The following ULK4 variants were observed in gnomAD, a reference collection of about 807,000 sequenced individuals.
The protein encoded by ULK4 is unc-51 like kinase 4.
A neutral mutation model predicts 160.6 loss-of-function variants in ULK4; 133 were observed. That is an observed-to-expected ratio of 0.83 (90% CI 0.72 to 0.96). ULK4 has a LOEUF of 0.96. ULK4 is among the 40% of genes least tolerant of loss of function. The pLI is 0.00. For synonymous variants in ULK4, 534 were observed against 539.8 expected (o/e 0.99, Z 0.15); for missense variants, 1,580 against 1,499.5 (o/e 1.05, Z -0.89).
chr3:41,283,984 A>G (rs1015265368), intron 35 of ULK4, among the ~76,000 whole-genome samples: 5 of 151,768 alleles, frequency 3.3e-5, no homozygotes, highest in Non-Finnish European at 7.4e-5. Context: ...AAATAAATAA[A>G]TAAATAAAAT....
intron 35 of ULK4, among the ~76,000 whole-genome samples, chr3:41,283,341 T>C (rs2079395799): frequency 6.6e-6 from 1 of 152,196 alleles, no homozygotes; most frequent in South Asian, 2.1e-4. Flanking sequence ...TAAAGACACA[T>C]GCACACATAT....
chr3:41,278,561 G>A (rs778383517), intron 35 of ULK4, among the ~76,000 whole-genome samples: 13 of 152,060 alleles, frequency 8.5e-5, no homozygotes, highest in African/African-American at 2.7e-4. Flanking sequence ...CAGATACCTC[G>A]TACAGGCAGG....
At position 41,431,198 on chromosome 3, in the gene ULK4, A is replaced by C. The variant is rs141941315; in HGVS notation, c.3492+24299T>G. Among the ~76,000 whole-genome samples the C allele has an allele frequency of 1.1e-4, 17 of 152,096 alleles. No individual in the cohort carries two copies. The East Asian group carries it at 3.1e-3, about 28-fold the overall frequency. On this transcript the variant is annotated intron_variant, in intron 34 of 36. Transcript: ENST00000301831. ...CTTCGTCTCTACTAAAAATACAAAA[A>C]TTAGCTGGGCGTAGTGAGGCACACC... is the stretch of plus-strand genomic sequence containing the variant.
chr3:41,482,845 G>A (rs770733050), intron 32 of ULK4, among the ~76,000 whole-genome samples: 7 of 152,004 alleles, frequency 4.6e-5, no homozygotes, highest in Admixed American at 2.6e-4. Flanking sequence ...AGTTTATTGT[G>A]TTGTTCAGAT....
chr3:41,283,829 C>T (rs1250616579), intron 35 of ULK4, among the ~76,000 whole-genome samples: 3 of 122,116 alleles, frequency 2.5e-5, no homozygotes, highest in African/African-American at 1.2e-4. Flanking sequence ...CCCCAGAAAG[C>T]TCCTAGAACT....
intron 21 of ULK4, among the ~76,000 whole-genome samples, chr3:41,761,848 G>A (rs1575663368): frequency 6.6e-6 from 1 of 152,110 alleles, no homozygotes; most frequent in Admixed American, 6.5e-5. Flanking sequence ...GACTGAGGCA[G>A]GAGAATTGCT....
At chr3:41,617,318 T>G (rs1276594854) in intron 30 of ULK4, among the ~76,000 whole-genome samples, 1 of 152,222 alleles carries the variant, frequency 6.6e-6, no homozygotes, top group South Asian at 2.1e-4. Context: ...CCAAGCCTCC[T>G]GACTGGGAGA....
chr3:41,698,217 A>G (rs2036562021), intron 27 of ULK4, among the ~76,000 whole-genome samples: 1 of 152,242 alleles, frequency 6.6e-6, no homozygotes, highest in Non-Finnish European at 1.5e-5. Flanking sequence ...TCTTTAAGCA[A>G]GGCATGACTG....
intron 32 of ULK4, among the ~76,000 whole-genome samples, chr3:41,471,944 AAAC>A (rs1257366961): frequency 2.0e-5 from 3 of 151,716 alleles, no homozygotes; most frequent in African/African-American, 7.3e-5. Context: ...CAAAAAAAAA[AAAC>A]AAAATGAAGA....
At chr3:41,859,478 T>C (rs915263298) in intron 17 of ULK4, 1 of 549,504 alleles carries the variant, frequency 1.8e-6, no homozygotes, top group Non-Finnish European at 3.7e-6. Context: ...GTCACCAATA[T>C]GGTAATGATA....
At chr3:41,804,958 C>T (rs1037680827) in intron 19 of ULK4, among the ~76,000 whole-genome samples, 15 of 152,126 alleles carry the variant, frequency 9.9e-5, no homozygotes, top group African/African-American at 2.4e-4. Context: ...ACTGACTTGG[C>T]GATGCGGGCT....
At chr3:41,845,211 C>T (rs999211377) in intron 17 of ULK4, among the ~76,000 whole-genome samples, 1 of 152,104 alleles carries the variant, frequency 6.6e-6, no homozygotes, top group Non-Finnish European at 1.5e-5. Context: ...GTGATCCACC[C>T]GTCTCGGCCC....
intron 13 of ULK4, 129 bp from the exon 14 acceptor site, chr3:41,898,621 A>G (rs1575910573): frequency 3.4e-6 from 2 of 582,336 alleles, no homozygotes; most frequent in African/African-American, 1.9e-5. Flanking sequence ...TTGTTACCAA[A>G]AAGAATAAGA....
At chr3:41,305,224 T>A (rs920482784) in intron 35 of ULK4, among the ~76,000 whole-genome samples, 1 of 152,102 alleles carries the variant, frequency 6.6e-6, no homozygotes, top group Non-Finnish European at 1.5e-5. Context: ...GGTCTCCCTC[T>A]CCCTCTCCCC....
intron 35 of ULK4, among the ~76,000 whole-genome samples, chr3:41,290,506 C>T (rs923232680): frequency 2.6e-5 from 4 of 152,126 alleles, no homozygotes; most frequent in African/African-American, 4.8e-5. Flanking sequence ...CTCTACTAGG[C>T]TTGCATCATC....
At chr3:41,907,591 G>A (rs1444236010) in intron 12 of ULK4, among the ~76,000 whole-genome samples, 6 of 152,056 alleles carry the variant, frequency 3.9e-5, no homozygotes, top group Non-Finnish European at 7.4e-5. Context: ...CATCCAGCCT[G>A]AATTGTTCAC....
At chr3:41,446,938 G>A (rs2083310399) in intron 34 of ULK4, among the ~76,000 whole-genome samples, 1 of 150,890 alleles carries the variant, frequency 6.6e-6, no homozygotes, top group Admixed American at 6.6e-5. Flanking sequence ...AAAAAAATTA[G>A]CCGGGCATGG....
intron 18 of ULK4, among the ~76,000 whole-genome samples, chr3:41,832,192 C>T (rs11916996): frequency 0.059 from 8,918 of 152,198 alleles, 839 homozygotes; most frequent in African/African-American, 0.19. Context: ...TCCACAGCCT[C>T]GCCAGCATTT....
At position 41,746,272 on chromosome 3, in the gene ULK4, C is replaced by CAAAAAAAAA. The variant is rs34582395; in HGVS notation, c.2321+8080_2321+8088dup. On this transcript the variant is annotated intron_variant, in intron 22 of 36. Coordinates refer to ENST00000301831, the MANE Select transcript of ULK4 (RefSeq NM_017886.4). ...TATATAGAAAATCTCCTGGAACCCACAAAAAAAAAAAAAAAAAAAAAAAAC... is the reference window on the plus strand; with the variant it reads ...TATATAGAAAATCTCCTGGAACCCACAAAAAAAAAAAAAAAAAAAAAAAAAAAAAAAAAC... 2.5e-3 allele frequency among the ~76,000 whole-genome samples: 114 copies of CAAAAAAAAA among 45,694 alleles called. 8 individuals carry two copies. Among genetic ancestry groups the CAAAAAAAAA allele is most frequent in the African/African-American group, 0.011 (104 of 9,386 alleles). 30.0% of individuals were successfully genotyped at this position (45,694 alleles called of 152,430 possible). A position where few individuals can be genotyped will look rare whatever the true frequency, so the allele number is the denominator to read the frequency against.
Sources: gnomAD v4.1 joint callset for allele counts (sites outside exome capture counted in the v4.1 genomes callset) on GRCh38, gnomAD v4.1.1 for gene constraint, MANE v1.5 for transcripts, NCBI Gene and HGNC (gene_info 2026-07-23, HGNC 2026-07-21) for gene names.